The following XIRP2 variants were observed in gnomAD, a reference collection of about 807,000 sequenced individuals.
XIRP2 encodes xin actin binding repeat containing 2, also known as xin actin-binding repeat-containing protein 2.
Under a neutral mutation model 277.0 loss-of-function variants are expected in XIRP2, and 236 were observed. The observed-to-expected ratio is 0.85, with a 90% CI of 0.77 to 0.95. The LOEUF (loss-of-function observed/expected upper bound fraction) is 0.95. XIRP2 is among the 40% of genes least tolerant of loss of function. XIRP2 has a pLI of 0.00. For synonymous variants in XIRP2, 1,490 were observed against 1,416.5 expected, an observed-to-expected ratio of 1.05 and a Z score of -1.17; for missense variants, 4,640 against 4,157.5, an observed-to-expected ratio of 1.12 and a Z score of -3.19.
chr2:167,001,129 A>T (rs1375459473), intron 2 of XIRP2, among the ~76,000 whole-genome samples: 3 of 152,166 alleles, frequency 2.0e-5, no homozygotes, highest in Admixed American at 2.0e-4. Context: ...TTCTTTTGAA[A>T]ATATATTAGT....
intron 2 of XIRP2, among the ~76,000 whole-genome samples, chr2:167,061,934 A>C (rs1689183029): frequency 6.6e-6 from 1 of 152,176 alleles, no homozygotes; most frequent in African/African-American, 2.4e-5. Flanking sequence ...GTCTGTAATC[A>C]TTTTTTATGG....
chr2:167,075,491 T>A (rs1434178646), intron 2 of XIRP2, among the ~76,000 whole-genome samples: 1 of 152,200 alleles, frequency 6.6e-6, no homozygotes, highest in African/African-American at 2.4e-5. Context: ...GGTATTGTCA[T>A]CATTTCTCAG....
intron 2 of XIRP2, among the ~76,000 whole-genome samples, chr2:167,076,447 A>G (rs1473653886): frequency 6.6e-6 from 1 of 152,254 alleles, no homozygotes; most frequent in Non-Finnish European, 1.5e-5. Flanking sequence ...TTGTAAGAGA[A>G]AACTCATAGA....
rs753778695 is a variant in XIRP2 at position 167,248,038 on chromosome 2, G to A, written c.6646G>A (p.Glu2216Lys). The A allele has an allele frequency of 3.1e-6, 5 of 1,613,484 alleles. No homozygotes were observed. The Admixed American group carries it at 6.7e-5, about 22-fold the overall frequency. Residue 2216 changes from glutamate to lysine, a missense_variant, in exon 9 of 11, where the codon GAG (glutamate) becomes AAG (lysine). Transcript: ENST00000409195. ...LQPMWQLLPV[E>K]QDTSNVTEMK... ...ACCAATGTGGCAGCTTTTGCCTGTA[G>A]AGCAAGACACATCCAATGTAACAGA...
At chr2:167,156,482 A>G (rs1208202442) in intron 3 of XIRP2, among the ~76,000 whole-genome samples, 2 of 148,652 alleles carry the variant, frequency 1.3e-5, no homozygotes, top group African/African-American at 2.6e-5. Context: ...ACACTTCTGT[A>G]AGATGTATCT....
chr2:167,099,625 G>T (rs182005980), intron 2 of XIRP2, among the ~76,000 whole-genome samples: 167 of 152,162 alleles, frequency 1.1e-3, no homozygotes, highest in African/African-American at 3.8e-3. Context: ...GAAACCCAGG[G>T]CCCTTGTGGT....
At chr2:166,986,667 TACTG>T (rs1687014149) in intron 2 of XIRP2, among the ~76,000 whole-genome samples, 2 of 152,232 alleles carry the variant, frequency 1.3e-5, no homozygotes, top group South Asian at 2.1e-4. Flanking sequence ...GTTTATGAAA[TACTG>T]AATGTGAATG....
intron 2 of XIRP2, among the ~76,000 whole-genome samples, chr2:166,937,741 A>G (rs4488679): frequency 0.99 from 150,993 of 152,228 alleles, 74,886 homozygotes; most frequent in East Asian, 1. Flanking sequence ...TTTTTTGGTT[A>G]GTAAGCTATT....
intron 2 of XIRP2, among the ~76,000 whole-genome samples, chr2:166,994,189 A>G (rs1299536011): frequency 9.5e-4 from 8 of 8,462 alleles, no homozygotes; most frequent in Non-Finnish European, 1.9e-4. Context: ...GACATGGATG[A>G]AATTGGAAAC....
chr2:167,155,116 C>T (rs1692145023), intron 3 of XIRP2, among the ~76,000 whole-genome samples: 1 of 150,670 alleles, frequency 6.6e-6, no homozygotes. Context: ...AGCTTACCAA[C>T]CAAAAAGACT....
intron 1 of XIRP2, among the ~76,000 whole-genome samples, chr2:166,896,397 C>G (rs571639575): frequency 5.1e-4 from 78 of 151,520 alleles, no homozygotes; most frequent in African/African-American, 1.7e-3. Context: ...ATAGTGATAT[C>G]GGAGGTGAAA....
At chr2:167,099,618 A>G (rs1286414441) in intron 2 of XIRP2, among the ~76,000 whole-genome samples, 1 of 151,680 alleles carries the variant, frequency 6.6e-6, no homozygotes, top group Non-Finnish European at 1.5e-5. Flanking sequence ...TGTGCTTGAA[A>G]CCCAGGGCCC....
chr2:167,015,059 T>C (rs1398192272), intron 2 of XIRP2, among the ~76,000 whole-genome samples: 1 of 151,872 alleles, frequency 6.6e-6, no homozygotes, highest in Non-Finnish European at 1.5e-5. Flanking sequence ...GCCTGGCTCC[T>C]ATTTCTGCAA....
At chr2:167,014,364 TA>T (rs1687765393) in intron 2 of XIRP2, among the ~76,000 whole-genome samples, 1 of 151,508 alleles carries the variant, frequency 6.6e-6, no homozygotes. Context: ...ACAATAGATA[TA>T]AAAAGATTGA....
At chr2:167,170,664 G>T (rs1162426906) in intron 3 of XIRP2, among the ~76,000 whole-genome samples, 1 of 151,914 alleles carries the variant, frequency 6.6e-6, no homozygotes, top group African/African-American at 2.4e-5. Context: ...CAATATTTCA[G>T]TCCTACTACT....
intron 2 of XIRP2, among the ~76,000 whole-genome samples, chr2:166,949,790 A>C (rs2105394000): frequency 6.6e-6 from 1 of 152,222 alleles, no homozygotes; most frequent in Non-Finnish European, 1.5e-5. Context: ...ATTAACATAA[A>C]GTTCCTTGAA....
chr2:167,136,119 G>T lies in XIRP2; in HGVS notation c.562+57G>T, dbSNP rs1691544644. Reference sequence around the variant, plus strand: ...CATCATACCTTGTACAACATGAGTGGTTAATAAATAAAATATATGAGGGGT... The same window carrying T: ...CATCATACCTTGTACAACATGAGTGTTTAATAAATAAAATATATGAGGGGT... On this transcript the variant is annotated intron_variant, in intron 3 of 10. Transcript: ENST00000409195. 3 of 1,426,410 alleles carry T rather than the reference G, an allele frequency of 2.1e-6. No individual in the cohort carries two copies. In the African/African-American group the frequency reaches 4.3e-5, roughly 21 times the overall value. The allele number at this position is 1,426,410 out of a possible 1,614,324, so 88.4% of individuals were successfully genotyped here.
At chr2:166,919,599 A>G (rs1232341013) in intron 2 of XIRP2, among the ~76,000 whole-genome samples, 1 of 152,312 alleles carries the variant, frequency 6.6e-6, no homozygotes, top group Non-Finnish European at 1.5e-5. Context: ...ATTTCTGATC[A>G]CAATGATTTT....
intron 2 of XIRP2, among the ~76,000 whole-genome samples, chr2:167,041,667 T>C (rs1688663146): frequency 6.6e-6 from 1 of 151,744 alleles, no homozygotes; most frequent in African/African-American, 2.4e-5. Context: ...TTCCAAGAAA[T>C]GAGGAATGAT....
Sources: gnomAD v4.1 joint callset for allele counts (sites outside exome capture counted in the v4.1 genomes callset) on GRCh38, gnomAD v4.1.1 for gene constraint, MANE v1.5 for transcripts, NCBI Gene and HGNC (gene_info 2026-07-23, HGNC 2026-07-21) for gene names.